Variants in ADD3 observed in about 807,000 individuals in gnomAD.
The protein encoded by ADD3 is gamma-adducin.
ADD3 carries 25 observed loss-of-function variants against 80.2 expected under a neutral mutation model. The ratio of observed to expected loss-of-function variants is 0.31; its 90% CI spans 0.23 to 0.44. The LOEUF (loss-of-function observed/expected upper bound fraction) is 0.44, where lower values mean the gene tolerates loss of function less well. ADD3 is among the 20% of genes least tolerant of loss of function. The pLI, the probability that ADD3 is intolerant of heterozygous loss-of-function variation, is 1.00. For synonymous variants in ADD3, 284 were observed against 289.6 expected (o/e 0.98, Z 0.20); for missense variants, 829 against 847.5 (o/e 0.98, Z 0.27).
At chr10:110,012,967 C>T (rs920287390) in intron 1 of ADD3, among the ~76,000 whole-genome samples, 1 of 152,056 alleles carries the variant, frequency 6.6e-6, no homozygotes, top group African/African-American at 2.4e-5. Flanking sequence ...GCATCAGCAC[C>T]ATATGTTATG....
intron 1 of ADD3, among the ~76,000 whole-genome samples, chr10:110,046,412 A>G (rs1856915183): frequency 1.4e-5 from 2 of 144,650 alleles, no homozygotes; most frequent in East Asian, 4.1e-4. Context: ...GTCCAAAGTT[A>G]TACGTGGATT....
intron 1 of ADD3, among the ~76,000 whole-genome samples, chr10:110,011,084 C>CTT (rs35981424): frequency 0.011 from 1,550 of 142,476 alleles, 33 homozygotes; most frequent in African/African-American, 0.035. Flanking sequence ...ATACTAAAGT[C>CTT]TTTTTTTTTT....
intron 8 of ADD3, chr10:110,121,906 G>C (rs1372917701): frequency 2.1e-5 from 9 of 437,966 alleles, no homozygotes; most frequent in Middle Eastern, 1.2e-3. Flanking sequence ...GAGGATCAGA[G>C]TCTTGGAAGG....
intron 1 of ADD3, among the ~76,000 whole-genome samples, chr10:110,014,819 G>A (rs1460362414): frequency 6.6e-6 from 1 of 151,976 alleles, no homozygotes; most frequent in East Asian, 1.9e-4. Flanking sequence ...GAGCCACCGC[G>A]TCCAGCCTTC....
intron 1 of ADD3, chr10:110,079,217 C>G (rs1373861834): frequency 6.6e-6 from 1 of 151,974 alleles, no homozygotes; most frequent in Non-Finnish European, 1.5e-5. Flanking sequence ...ATTGATAAAC[C>G]CTTTCTTTAT....
Position 110,118,751 on chromosome 10 carries a change from G to A in ADD3, c.717+15G>A, listed in dbSNP as rs1851094361. ...CAACAGCAGCTGTAAGTCAATGAAAGTCCAAAACTGACAGGACGCTGGAAG... is the reference window on the plus strand; with the variant it reads ...CAACAGCAGCTGTAAGTCAATGAAAATCCAAAACTGACAGGACGCTGGAAG... On this transcript the variant is annotated intron_variant, in intron 6 of 14. Transcript: ENST00000356080. 6.2e-7 allele frequency: 1 copy of A among 1,610,694 alleles called. No individual in the cohort carries two copies. Among genetic ancestry groups the A allele is most frequent in the South Asian group, 1.1e-5 (1 of 90,924 alleles).
intron 14 of ADD3, 27 bp downstream of exon 14, chr10:110,132,427 A>G (rs751648793): frequency 1.4e-6 from 2 of 1,462,328 alleles, no homozygotes; most frequent in Admixed American, 1.7e-5. Flanking sequence ...CCCACATAGC[A>G]TTCACTGAGT....
At chr10:110,023,950 G>C (rs539940463) in intron 1 of ADD3, among the ~76,000 whole-genome samples, 2 of 152,298 alleles carry the variant, frequency 1.3e-5, no homozygotes, top group South Asian at 4.1e-4. Context: ...CTCACTTAAA[G>C]TGGGAGGTAA....
chr10:110,119,094 A>G (rs369007885), intron 6 of ADD3, 117 bp from the exon 7 acceptor site: 3 of 1,100,716 alleles, frequency 2.7e-6, no homozygotes, highest in Non-Finnish European at 3.9e-6. Flanking sequence ...AGTGGGCTGC[A>G]ATGGTGAAAC....
In ADD3 at chr10:110,132,369, G is replaced by A. The variant is rs1853135741; in HGVS notation, c.1797G>A (p.Gln599=). ...SSVSQIQSQT[Q]SPQNVPEKLE... ...TTTCACAAATTCAGTCTCAAACTCAGTCACCGCAAAATGTCCCTGAAAAAT... is the reference window on the plus strand; with the variant it reads ...TTTCACAAATTCAGTCTCAAACTCAATCACCGCAAAATGTCCCTGAAAAAT... Residue 599 remains glutamine, a synonymous_variant, in exon 14 of 15, where the codon CAG becomes CAA. Transcript: ENST00000356080. The A allele has an allele frequency of 6.2e-7, 1 of 1,613,578 alleles. No homozygotes were observed. The highest frequency in any genetic ancestry group is 8.5e-7 in the Non-Finnish European group (1 of 1,179,760).
chr10:110,091,369 A>T (rs1450302297), intron 1 of ADD3, among the ~76,000 whole-genome samples: 1 of 152,142 alleles, frequency 6.6e-6, no homozygotes, highest in Non-Finnish European at 1.5e-5. Context: ...AAATTTATTA[A>T]ACCTCAGTTT....
In ADD3 at chr10:110,041,547, A is replaced by C. The variant is rs537267394; in HGVS notation, c.-30+33248A>C. Among the ~76,000 whole-genome samples the C allele has an allele frequency of 1.6e-4, 25 of 152,306 alleles. 1 individual carries two copies. The South Asian group carries it at 5.2e-3, about 32-fold the overall frequency. On this transcript the variant is annotated intron_variant, in intron 1 of 14. Transcript: ENST00000356080. ...TAAAACGAAAGGGTTGGTTCAAATC[A>C]GCAGTTCTCAAGCTTTTTTCTTCTA...
chr10:110,120,951 A>G lies in ADD3; in HGVS notation c.961-1159A>G, dbSNP rs542065724. 2.6e-5 allele frequency among the ~76,000 whole-genome samples: 4 copies of G among 152,184 alleles called. No individual in the cohort carries two copies. In the East Asian group the frequency reaches 7.7e-4, roughly 29 times the overall value. On this transcript the variant is annotated intron_variant, in intron 8 of 14. Coordinates refer to ENST00000356080, the MANE Select transcript of ADD3 (RefSeq NM_016824.5). Reference sequence around the variant, plus strand: ...CTGGGAAAACTGGCTAGCCATATGTAGAAAGCTGAAACTGGATCCCTTCCT... The same window carrying G: ...CTGGGAAAACTGGCTAGCCATATGTGGAAAGCTGAAACTGGATCCCTTCCT...
chr10:110,040,909 G>A (rs1856233110), intron 1 of ADD3, among the ~76,000 whole-genome samples: 1 of 146,990 alleles, frequency 6.8e-6, no homozygotes, highest in African/African-American at 2.4e-5. Context: ...GAACTTGCAC[G>A]CACGCGCTCT....
At chr10:110,040,677 TG>T (rs1856200606) in intron 1 of ADD3, among the ~76,000 whole-genome samples, 1 of 152,316 alleles carries the variant, frequency 6.6e-6, no homozygotes, top group South Asian at 2.1e-4. Flanking sequence ...AATCTTCCTT[TG>T]GCAACAGTAT....
At chr10:110,103,203 G>T (rs528072478) in intron 2 of ADD3, among the ~76,000 whole-genome samples, 2 of 152,292 alleles carry the variant, frequency 1.3e-5, no homozygotes, top group East Asian at 3.9e-4. Flanking sequence ...CTTCACCAAG[G>T]GAAATGATAC....
intron 1 of ADD3, among the ~76,000 whole-genome samples, chr10:110,095,733 TTAAA>T (rs1848073413): frequency 6.6e-6 from 1 of 152,128 alleles, no homozygotes; most frequent in African/African-American, 2.4e-5. Context: ...AGACAAATGA[TTAAA>T]CAAATAATGA....
chr10:110,073,881 A>T lies in ADD3; in HGVS notation c.-29-26744A>T, dbSNP rs368964588. Among the ~76,000 whole-genome samples the T allele has an allele frequency of 7.2e-5, 11 of 152,038 alleles. No individual in the cohort carries two copies. In the East Asian group the frequency reaches 2.1e-3, roughly 29 times the overall value. ...GCAGCCACCTTCCCACCCCCGACTA[A>T]CATGAATTTAACCTGATTTAAACAG... On this transcript the variant is annotated intron_variant, in intron 1 of 14. Transcript: ENST00000356080.
At chr10:110,125,969 AG>A in intron 11 of ADD3, 24 bp downstream of exon 11, 1 of 1,577,262 alleles carries the variant, frequency 6.3e-7, no homozygotes, top group East Asian at 2.3e-5. Flanking sequence ...TTCTATAGCC[AG>A]GGGAGACATT....
Sources: gnomAD v4.1 joint callset for allele counts (sites outside exome capture counted in the v4.1 genomes callset) on GRCh38, gnomAD v4.1.1 for gene constraint, MANE v1.5 for transcripts, NCBI Gene and HGNC (gene_info 2026-07-23, HGNC 2026-07-21) for gene names.